Variants in KCNJ6 observed in about 807,000 individuals in gnomAD.
KCNJ6 encodes the protein potassium inwardly rectifying channel subfamily J member 6, also known as G protein-activated inward rectifier potassium channel 2.
KCNJ6 carries 9 observed loss-of-function variants against 34.2 expected under a neutral mutation model. The ratio of observed to expected loss-of-function variants is 0.26; its 90% CI spans 0.16 to 0.46. The LOEUF (loss-of-function observed/expected upper bound fraction) is 0.46, where lower values mean the gene tolerates loss of function less well. Ranked by LOEUF, KCNJ6 falls within the 20% of genes least tolerant of loss-of-function variation. The pLI, the probability that KCNJ6 is intolerant of heterozygous loss-of-function variation, is 1.00. For synonymous variants in KCNJ6, 196 were observed against 207.1 expected (o/e 0.95, Z 0.46); for missense variants, 236 against 531.3 (o/e 0.44, Z 5.46).
intron 1 of KCNJ6, among the ~76,000 whole-genome samples, chr21:37,875,244 A>C (rs950029401): frequency 2.6e-5 from 4 of 152,222 alleles, no homozygotes; most frequent in Non-Finnish European, 5.9e-5. Flanking sequence ...TAAAATAAAA[A>C]AATCTTATTT....
chr21:37,813,065 A>G (rs1381278002), intron 2 of KCNJ6, among the ~76,000 whole-genome samples: 1 of 152,228 alleles, frequency 6.6e-6, no homozygotes, highest in Non-Finnish European at 1.5e-5. Flanking sequence ...AATGCAGTAA[A>G]GGTTCAGGAT....
At chr21:37,635,860 G>A (rs1489490579) in intron 3 of KCNJ6, among the ~76,000 whole-genome samples, 1 of 152,098 alleles carries the variant, frequency 6.6e-6, no homozygotes, top group East Asian at 1.9e-4. Flanking sequence ...CAATATGTGA[G>A]GTACATTATT....
At chr21:37,703,340 C>A (rs1257077723) in intron 3 of KCNJ6, among the ~76,000 whole-genome samples, 1 of 151,148 alleles carries the variant, frequency 6.6e-6, no homozygotes, top group African/African-American at 2.4e-5. Context: ...AGGTGTGTGG[C>A]AGAAATGGGA....
intron 2 of KCNJ6, among the ~76,000 whole-genome samples, chr21:37,770,768 T>G (rs2055114074): frequency 6.6e-6 from 1 of 152,168 alleles, no homozygotes; most frequent in Non-Finnish European, 1.5e-5. Context: ...GTTGCAGAAA[T>G]GAAGATTGTA....
chr21:37,825,914 T>A (rs1264786892), intron 2 of KCNJ6, among the ~76,000 whole-genome samples: 1 of 152,184 alleles, frequency 6.6e-6, no homozygotes, highest in Non-Finnish European at 1.5e-5. Flanking sequence ...ACTGCCCCCA[T>A]GATTCAATTA....
chr21:37,714,734 A>C lies in KCNJ6; in HGVS notation c.423T>G (p.Ser141=). ...CTGTCTCTATTGAGAATAAAAAAGC[A>C]GAGACGAACCCGTTGAGGTTGGTAA... ...PCVTNLNGFV[S]AFLFSIETET... Residue 141 remains serine, a synonymous_variant, in exon 3 of 4, where the codon TCT becomes TCG. Transcript: ENST00000609713. This position sits in a 1 kb window ranked among gnomAD's most constrained non-coding sequence, Gnocchi z 5.9. 1 of 1,614,102 alleles carries C rather than the reference A, an allele frequency of 6.2e-7. No homozygotes were observed. Among genetic ancestry groups the C allele is most frequent in the Non-Finnish European group, 8.5e-7 (1 of 1,179,998 alleles).
chr21:37,774,648 C>T (rs2123506450), intron 2 of KCNJ6, among the ~76,000 whole-genome samples: 1 of 152,218 alleles, frequency 6.6e-6, no homozygotes, highest in Non-Finnish European at 1.5e-5. Flanking sequence ...TGGTTTCCAG[C>T]TTCATCCATG....
intron 2 of KCNJ6, among the ~76,000 whole-genome samples, chr21:37,792,921 C>T (rs1247018896): frequency 1.3e-5 from 2 of 152,104 alleles, no homozygotes; most frequent in South Asian, 2.1e-4. Flanking sequence ...TTGGTCAAGG[C>T]CCTGTGTTGT....
At position 37,607,483 on chromosome 21, in the gene KCNJ6, T is replaced by TATATATATATA. The variant is rs201127739; in HGVS notation, c.*17675_*17676insTATATATATAT. The TATATATATATA allele has an allele frequency of 6.2e-4, 57 of 92,118 alleles. No homozygotes were observed. Among genetic ancestry groups the TATATATATATA allele is most frequent in the Middle Eastern group, 5.9e-3 (1 of 170 alleles). 5.7% of individuals were successfully genotyped at this position (92,118 alleles called of 1,614,324 possible). ...TTAAAGATATATATATATATATATA[T>TATATATATATA]TTTTTTTTTATTTTAAAAAAATTTG... On this transcript the variant is annotated 3_prime_UTR_variant, in exon 4 of 4. Coordinates refer to ENST00000609713, the MANE Select transcript of KCNJ6 (RefSeq NM_002240.5).
chr21:37,748,622 A>G (rs758500788), intron 2 of KCNJ6, among the ~76,000 whole-genome samples: 23 of 152,190 alleles, frequency 1.5e-4, no homozygotes, highest in Admixed American at 3.3e-4. Context: ...GAACGCTTCA[A>G]AGCCACAGGT....
At chr21:37,672,706 G>A (rs2054547491) in intron 3 of KCNJ6, among the ~76,000 whole-genome samples, 1 of 152,238 alleles carries the variant, frequency 6.6e-6, no homozygotes, top group African/African-American at 2.4e-5. Flanking sequence ...CATGTAAGGA[G>A]ATGGTAGGTT....
Position 37,617,585 on chromosome 21 carries a change from C to T in KCNJ6, c.*7574G>A, listed in dbSNP as rs1487031689. The T allele has an allele frequency of 1.3e-5, 2 of 152,136 alleles. No individual in the cohort carries two copies. Among genetic ancestry groups the T allele is most frequent in the African/African-American group, 4.8e-5 (2 of 41,400 alleles). The allele number at this position is 152,136 out of a possible 1,614,324, so 9.4% of individuals were successfully genotyped here. Reference sequence around the variant, plus strand: ...GGGGTGGCTCAAACAAACCAAACTCCCAGCCTTACTCAAAAAGAGGGACCA... The same window carrying T: ...GGGGTGGCTCAAACAAACCAAACTCTCAGCCTTACTCAAAAAGAGGGACCA... On this transcript the variant is annotated 3_prime_UTR_variant, in exon 4 of 4. Coordinates refer to ENST00000609713, the MANE Select transcript of KCNJ6 (RefSeq NM_002240.5).
chr21:37,752,625 T>A (rs1389576725), intron 2 of KCNJ6, among the ~76,000 whole-genome samples: 1 of 152,114 alleles, frequency 6.6e-6, no homozygotes, highest in Admixed American at 6.5e-5. Context: ...GTCACCATAA[T>A]GTGACCGTGC....
rs180706689 is a variant in KCNJ6 at position 37,777,037 on chromosome 21, G to A, written c.26-61906C>T. Among the ~76,000 whole-genome samples the A allele has an allele frequency of 9.9e-5, 15 of 152,244 alleles. No homozygotes were observed. The East Asian group carries it at 2.7e-3, about 27-fold the overall frequency. ...GCCTCAATTTCAGAGCCTGTTATTGGTCTATTCAGAGATTCAACTTCTTCC... is the reference window on the plus strand; with the variant it reads ...GCCTCAATTTCAGAGCCTGTTATTGATCTATTCAGAGATTCAACTTCTTCC... On this transcript the variant is annotated intron_variant, in intron 2 of 3. Coordinates refer to ENST00000609713, the MANE Select transcript of KCNJ6 (RefSeq NM_002240.5).
At chr21:37,881,425 G>A (rs2123623628) in intron 1 of KCNJ6, among the ~76,000 whole-genome samples, 1 of 152,034 alleles carries the variant, frequency 6.6e-6, no homozygotes, top group South Asian at 2.1e-4. Flanking sequence ...CCTATAGATG[G>A]GCAGACCTCT....
chr21:37,853,849 T>TATATATATATATATATATAC lies in KCNJ6; in HGVS notation c.-27-13141_-27-13140insGTATATATATATATATATAT, dbSNP rs1245467242. On this transcript the variant is annotated intron_variant, in intron 1 of 3. Coordinates refer to ENST00000609713, the MANE Select transcript of KCNJ6 (RefSeq NM_002240.5). Reference sequence around the variant, plus strand: ...GTTAAGAGATACATATATATATGTATATATATATATATAAATTACATTGTG... The same window carrying TATATATATATATATATATAC: ...GTTAAGAGATACATATATATATGTATATATATATATATATATATACATATATATATATAAATTACATTGTG... Among the ~76,000 whole-genome samples, 6 of 140,482 alleles carry TATATATATATATATATATAC rather than the reference T, an allele frequency of 4.3e-5. 1 individual carries two copies. Among genetic ancestry groups the TATATATATATATATATATAC allele is most frequent in the African/African-American group, 1.6e-4 (6 of 36,462 alleles). 92.2% of individuals were successfully genotyped at this position (140,482 alleles called of 152,430 possible).
intron 2 of KCNJ6, among the ~76,000 whole-genome samples, chr21:37,825,152 G>C (rs1367507460): frequency 6.6e-6 from 1 of 152,182 alleles, no homozygotes; most frequent in Admixed American, 6.5e-5. Flanking sequence ...CATTTGCTGA[G>C]ATTTTTGGCC....
At position 37,782,622 on chromosome 21, in the gene KCNJ6, T is replaced by C. The variant is rs199750148; in HGVS notation, c.25+58036A>G. Among the ~76,000 whole-genome samples, 5 of 152,124 alleles carry C rather than the reference T, an allele frequency of 3.3e-5. No homozygotes were observed. The East Asian group carries it at 9.6e-4, about 29-fold the overall frequency. On this transcript the variant is annotated intron_variant, in intron 2 of 3. Coordinates refer to ENST00000609713, the MANE Select transcript of KCNJ6 (RefSeq NM_002240.5). The stretch of plus-strand genomic sequence containing the variant: ...CTGGTTCTCCAGCCACCCTATTCAT[T>C]TTTGCCTCATATTCTAATCTATGCA...
In KCNJ6 at chr21:37,893,143, C is replaced by T. The variant is rs545505024; in HGVS notation, c.-28+22741G>A. On this transcript the variant is annotated intron_variant, in intron 1 of 3. Coordinates refer to ENST00000609713, the MANE Select transcript of KCNJ6 (RefSeq NM_002240.5). ...TGCTGGGATTACAGCCTTGAGCCAC[C>T]GCACCCGGCCGGTTTCTTTCATAGT... Among the ~76,000 whole-genome samples, 10 of 151,612 alleles carry T rather than the reference C, an allele frequency of 6.6e-5. No homozygotes were observed. In the South Asian group the frequency reaches 8.3e-4, roughly 13 times the overall value.
Sources: gnomAD v4.1 joint callset for allele counts (sites outside exome capture counted in the v4.1 genomes callset) on GRCh38, gnomAD v4.1.1 for gene constraint, Gnocchi (gnomAD v3.1) non-coding constraint, MANE v1.5 for transcripts, NCBI Gene and HGNC (gene_info 2026-07-23, HGNC 2026-07-21) for gene names.